TMEM201: variants seen among roughly 807,000 people sequenced by gnomAD.
TMEM201 encodes RP13-15M17.2.
In TMEM201, 26 loss-of-function variants were observed where a neutral mutation model predicts 63.4. The observed-to-expected ratio is 0.41, with a 90% CI of 0.30 to 0.57. The LOEUF (loss-of-function observed/expected upper bound fraction) is 0.57. TMEM201 is among the 20% of genes least tolerant of loss of function. The pLI is 0.29. For synonymous variants in TMEM201, 417 were observed against 421.6 expected (o/e 0.99, Z 0.14); for missense variants, 794 against 917.7 (o/e 0.87, Z 1.74).
rs1183741003 is a variant in TMEM201 at position 9,605,011 on chromosome 1, C to A, written c.1161-2546C>A. 7 of 985,636 alleles carry A rather than the reference C, an allele frequency of 7.1e-6. No homozygotes were observed. The highest frequency in any genetic ancestry group is 8.4e-6 in the Non-Finnish European group (7 of 829,974). The allele number at this position is 985,636 out of a possible 1,614,324, so 61.1% of individuals were successfully genotyped here. On this transcript the variant is annotated intron_variant, in intron 6 of 10. Transcript: ENST00000340381. This position sits in a 1 kb window ranked among gnomAD's most constrained non-coding sequence, Gnocchi z 5.7. ...TCTTTCTTTCAGAAGGGCTCTGTGC[C>A]AGGGCTGGGGTGGGCAGCTGTGTTT...
intron 1 of TMEM201, among the ~76,000 whole-genome samples, chr1:9,589,383 G>A (rs890813861): frequency 8.5e-5 from 13 of 152,210 alleles, no homozygotes; most frequent in Non-Finnish European, 1.8e-4. Flanking sequence ...GCACGGCGAT[G>A]CTGGCGATCG....
intron 1 of TMEM201, among the ~76,000 whole-genome samples, chr1:9,592,793 C>CAGAGCA (rs1643943828): frequency 6.6e-6 from 1 of 152,182 alleles, no homozygotes; most frequent in South Asian, 2.1e-4. Flanking sequence ...TCCGGGCTTC[C>CAGAGCA]TCAGGCTTCC....
At chr1:9,612,920 G>A in intron 10 of TMEM201, 66 bp from the exon 11 acceptor site, 1 of 1,382,808 alleles carries the variant, frequency 7.2e-7, no homozygotes, top group Non-Finnish European at 1.0e-6. Context: ...TGCTCTAGGG[G>A]GCTGCTCAGC....
Position 9,596,044 on chromosome 1 carries a change from G to A in TMEM201, c.234+34G>A, listed in dbSNP as rs765357822. ...CACAGGCAGGCGGACGGGTGGGCAC[G>A]CGGGGGTGGGGATCTTGAGATTTGC... On this transcript the variant is annotated intron_variant, in intron 2 of 10. Coordinates refer to ENST00000340381, the MANE Select transcript of TMEM201 (RefSeq NM_001130924.3). The A allele has an allele frequency of 1.0e-5, 16 of 1,603,828 alleles. No homozygotes were observed. The Admixed American group carries it at 1.0e-4, about 10-fold the overall frequency.
chr1:9,603,780 C>A lies in TMEM201; in HGVS notation c.1160+1508C>A, dbSNP rs1297099253. ...CCCACCCAGCTTCACAAGTGAGGAA[C>A]CCAGGTGCATCGGGAGACCCTCGGG... is the stretch of plus-strand genomic sequence containing the variant. On this transcript the variant is annotated intron_variant, in intron 6 of 10. Coordinates refer to ENST00000340381, the MANE Select transcript of TMEM201 (RefSeq NM_001130924.3). The surrounding 1 kb of genome is among the most constrained non-coding windows in gnomAD (Gnocchi z 4.5). 1 of 985,370 alleles carries A rather than the reference C, an allele frequency of 1.0e-6. No homozygotes were observed. The highest frequency in any genetic ancestry group is 6.1e-5 in the Admixed American group (1 of 16,268). The allele number at this position is 985,370 out of a possible 1,614,324, so 61.0% of individuals were successfully genotyped here. A position where few individuals can be genotyped will look rare whatever the true frequency, so the allele number is the denominator to read the frequency against.
rs1261489782 is a variant in TMEM201 at position 9,604,003 on chromosome 1, A to G, written c.1160+1731A>G. 2.0e-6 allele frequency: 2 copies of G among 985,122 alleles called. No individual in the cohort carries two copies. The highest frequency in any genetic ancestry group is 3.5e-5 in the African/African-American group (2 of 57,142). The allele number at this position is 985,122 out of a possible 1,614,324, so 61.0% of individuals were successfully genotyped here. ...GCCAAAGCGGCCCCCCATGGTGTCT[A>G]CCTGAGGGGCAGGGAACCGCCTGCC... is the stretch of plus-strand genomic sequence containing the variant. On this transcript the variant is annotated intron_variant, in intron 6 of 10. Coordinates refer to ENST00000340381, the MANE Select transcript of TMEM201 (RefSeq NM_001130924.3). The surrounding 1 kb of genome is among the most constrained non-coding windows in gnomAD (Gnocchi z 4.1).
chr1:9,601,906 G>A lies in TMEM201; in HGVS notation c.957-163G>A, dbSNP rs529699512. On this transcript the variant is annotated intron_variant, in intron 5 of 10. Transcript: ENST00000340381. Reference sequence around the variant, plus strand: ...GGAGAAACACTGACCCACCTGCTCAGAGCCAGGTAGCGTGTGAGTGTGAGG... The same window carrying A: ...GGAGAAACACTGACCCACCTGCTCAAAGCCAGGTAGCGTGTGAGTGTGAGG... Among the ~76,000 whole-genome samples, 9 of 152,314 alleles carry A rather than the reference G, an allele frequency of 5.9e-5. No individual in the cohort carries two copies. In the East Asian group the frequency reaches 1.7e-3, roughly 29 times the overall value.
rs1219183432 is a variant in TMEM201 at position 9,588,989 on chromosome 1, TG to T, written c.64del (p.Val22SerfsTer18). The part of the protein sequence containing the change: ...RCPTAGLAGG[L>X]GVTACAAAGV... ...CCCACGGCCGGCCTGGCCGGCGGCC[TG>T]GGGGTCACGGCGTGCGCCGCGGCCG... is the stretch of plus-strand genomic sequence containing the variant. On this transcript the variant is annotated frameshift_variant, in exon 1 of 11. Coordinates refer to ENST00000340381, the MANE Select transcript of TMEM201 (RefSeq NM_001130924.3). LOFTEE classifies it high-confidence loss of function. The T allele has an allele frequency of 4.9e-6, 6 of 1,217,456 alleles. No individual in the cohort carries two copies. The highest frequency in any genetic ancestry group is 4.1e-6 in the Non-Finnish European group (4 of 965,586). 75.4% of individuals were successfully genotyped at this position (1,217,456 alleles called of 1,614,324 possible).
At chr1:9,598,877 G>T (rs1012868557) in intron 4 of TMEM201, among the ~76,000 whole-genome samples, 1 of 151,724 alleles carries the variant, frequency 6.6e-6, no homozygotes, top group African/African-American at 2.4e-5. Context: ...TCGAACTCCC[G>T]ATCTCTGGTG....
chr1:9,607,482 GGGACCCACTGCAAGGCTGCCTCCA>G lies in TMEM201; in HGVS notation c.1161-69_1161-46del. 3.4e-6 allele frequency: 4 copies of G among 1,188,636 alleles called. No homozygotes were observed. Among genetic ancestry groups the G allele is most frequent in the Non-Finnish European group, 4.7e-6 (4 of 843,928 alleles). 73.6% of individuals were successfully genotyped at this position (1,188,636 alleles called of 1,614,324 possible). On this transcript the variant is annotated intron_variant, in intron 6 of 10. Coordinates refer to ENST00000340381, the MANE Select transcript of TMEM201 (RefSeq NM_001130924.3). This position sits in a 1 kb window ranked among gnomAD's most constrained non-coding sequence, Gnocchi z 5.4. ...CCACCTTGCACTGTGGGAGAGGGGTGGGACCCACTGCAAGGCTGCCTCCAGGACCTCCCGCTGACCCTCTTCTTG... is the reference window on the plus strand; with the variant it reads ...CCACCTTGCACTGTGGGAGAGGGGTGGGACCTCCCGCTGACCCTCTTCTTG...
intron 1 of TMEM201, among the ~76,000 whole-genome samples, chr1:9,590,643 G>A (rs1441901915): frequency 1.3e-5 from 2 of 152,212 alleles, no homozygotes; most frequent in East Asian, 1.9e-4. Flanking sequence ...CTAGGAGGGT[G>A]CCTGGAAGTC....
Position 9,601,265 on chromosome 1 carries a change from G to C in TMEM201, c.767G>C (p.Gly256Ala). 6.2e-7 allele frequency: 1 copy of C among 1,610,670 alleles called. No homozygotes were observed. The highest frequency in any genetic ancestry group is 8.5e-7 in the Non-Finnish European group (1 of 1,179,790). The change falls in exon 5 of 11, where the codon GGC becomes GCC. Residue 256 changes from glycine (G) to alanine (A), a missense_variant. Transcript: ENST00000340381. The part of the protein sequence containing the change: ...VPLALPPGGN[G>A]SATPDNGTTP... The stretch of plus-strand genomic sequence containing the variant: ...CTGGCCCTGCCACCTGGTGGCAATG[G>C]CTCAGCCACACCTGACAATGGCACC...
intron 4 of TMEM201, among the ~76,000 whole-genome samples, chr1:9,600,814 G>A (rs1022813513): frequency 2.6e-5 from 4 of 152,280 alleles, no homozygotes; most frequent in Non-Finnish European, 4.4e-5. Context: ...CAGCTGCTGC[G>A]GAGACTGGGG....
At chr1:9,609,512 C>T (rs989869566) in intron 7 of TMEM201, among the ~76,000 whole-genome samples, 75 of 152,178 alleles carry the variant, frequency 4.9e-4, no homozygotes, top group African/African-American at 1.8e-3. Context: ...ACAATATGCC[C>T]AGTGCCGACT....
At chr1:9,596,796 C>A in intron 2 of TMEM201, 63 bp from the exon 3 acceptor site, 1 of 1,509,928 alleles carries the variant, frequency 6.6e-7, no homozygotes, top group Non-Finnish European at 8.9e-7. Flanking sequence ...CCCCCAGGGA[C>A]ATCACCAAGC....
rs1286241102 is a variant in TMEM201, at chr1:9,605,077, G to A, written c.1161-2480G>A. 1.5e-4 allele frequency: 143 copies of A among 953,864 alleles called. No homozygotes were observed. Among genetic ancestry groups the A allele is most frequent in the Non-Finnish European group, 1.8e-4 (142 of 801,080 alleles). 59.1% of individuals were successfully genotyped at this position (953,864 alleles called of 1,614,324 possible). On this transcript the variant is annotated intron_variant, in intron 6 of 10. Coordinates refer to ENST00000340381, the MANE Select transcript of TMEM201 (RefSeq NM_001130924.3). This position sits in a 1 kb window ranked among gnomAD's most constrained non-coding sequence, Gnocchi z 5.7. Reference sequence around the variant, plus strand: ...CCACAGGAGTCAGGTTTGGGAGCCAGTGACAATGACACCAGCTGGCTCGGG... The same window carrying A: ...CCACAGGAGTCAGGTTTGGGAGCCAATGACAATGACACCAGCTGGCTCGGG...
At chr1:9,601,869 C>T (rs1350527499) in intron 5 of TMEM201, among the ~76,000 whole-genome samples, 200 bp from the exon 6 acceptor site, 1 of 152,200 alleles carries the variant, frequency 6.6e-6, no homozygotes, top group African/African-American at 2.4e-5. Flanking sequence ...TAGGCTAGAA[C>T]TTACAGGCTG....
In TMEM201 at chr1:9,613,219, T is replaced by C; in HGVS notation, c.*136T>C. 1 of 768,894 alleles carries C rather than the reference T, an allele frequency of 1.3e-6. No individual in the cohort carries two copies. Among genetic ancestry groups the C allele is most frequent in the Non-Finnish European group, 2.1e-6 (1 of 472,504 alleles). 47.6% of individuals were successfully genotyped at this position (768,894 alleles called of 1,614,324 possible). A position where few individuals can be genotyped will look rare whatever the true frequency, so the allele number is the denominator to read the frequency against. On this transcript the variant is annotated 3_prime_UTR_variant, in exon 11 of 11. Coordinates refer to ENST00000340381, the MANE Select transcript of TMEM201 (RefSeq NM_001130924.3). ...CCTTGACCTCACTGGACTGTGACTG[T>C]CCTCAGGACACCTGCCCCTCCTCAC...
At chr1:9,600,569 G>C (rs369016333) in intron 4 of TMEM201, among the ~76,000 whole-genome samples, 92 of 152,312 alleles carry the variant, frequency 6.0e-4, no homozygotes, top group African/African-American at 2.1e-3. Flanking sequence ...AAGGGGCCTG[G>C]GGAGCAGGGT....
Sources: allele counts gnomAD v4.1 joint callset (sites outside exome capture counted in the v4.1 genomes callset), GRCh38; gene constraint gnomAD v4.1.1; non-coding constraint Gnocchi (gnomAD v3.1); transcripts MANE v1.5; gene names NCBI Gene and HGNC (gene_info 2026-07-23, HGNC 2026-07-21).